The following SYBU variants were observed in gnomAD, a reference collection of about 807,000 sequenced individuals.
SYBU encodes GOLSYN A protein.
A neutral mutation model predicts 35.9 loss-of-function variants in SYBU; 21 were observed. The ratio of observed to expected loss-of-function variants is 0.58; its 90% CI spans 0.41 to 0.84. SYBU has a LOEUF of 0.84. Ranked by LOEUF, SYBU falls within the 40% of genes least tolerant of loss-of-function variation. SYBU has a pLI of 0.00. For missense variants in SYBU, 768 were observed against 848.2 expected, an observed-to-expected ratio of 0.91 and a Z score of 1.17; for synonymous variants, 319 against 324.3, an observed-to-expected ratio of 0.98 and a Z score of 0.18.
chr8:109,633,475 G>T (rs13267529), intron 2 of SYBU, among the ~76,000 whole-genome samples: 1,775 of 152,302 alleles, frequency 0.012, 18 homozygotes, highest in Non-Finnish European at 0.02. Flanking sequence ...AAAAAGAGGG[G>T]ACAGTCAACC....
intron 3 of SYBU, among the ~76,000 whole-genome samples, chr8:109,595,445 G>A (rs1824761948): frequency 6.6e-6 from 1 of 152,314 alleles, no homozygotes; most frequent in Non-Finnish European, 1.5e-5. Flanking sequence ...ATAACACATG[G>A]TGAGAGCTGT....
chr8:109,655,263 G>T (rs1173314349), intron 1 of SYBU, among the ~76,000 whole-genome samples: 2 of 152,200 alleles, frequency 1.3e-5, no homozygotes, highest in Non-Finnish European at 2.9e-5. Flanking sequence ...AATTTGATTT[G>T]CCAGAGTCAT....
chr8:109,651,770 C>T (rs1444794565), intron 1 of SYBU, among the ~76,000 whole-genome samples: 1 of 152,152 alleles, frequency 6.6e-6, no homozygotes, highest in South Asian at 2.1e-4. Flanking sequence ...ATGGCTCCAA[C>T]CACCATTGCT....
Position 109,577,984 on chromosome 8 carries a change from A to AT in SYBU, c.767dup (p.Asn256LysfsTer34). On this transcript the variant is annotated frameshift_variant, in exon 6 of 7. Coordinates refer to ENST00000276646, the MANE Select transcript of SYBU (RefSeq NM_001099754.2). LOFTEE classifies it high-confidence loss of function. Reference sequence around the variant, plus strand: ...CTGGGTTTGGGGGTCTGACACCATGATTTTCACCGCAAGACATGTACCTTC... The same window carrying AT: ...CTGGGTTTGGGGGTCTGACACCATGATTTTTCACCGCAAGACATGTACCTTC... 1 of 1,613,660 alleles carries AT rather than the reference A, an allele frequency of 6.2e-7. No individual in the cohort carries two copies. Among genetic ancestry groups the AT allele is most frequent in the South Asian group, 1.1e-5 (1 of 90,948 alleles).
upstream of SYBU, among the ~76,000 whole-genome samples, chr8:109,649,294 G>A (rs1816015470): frequency 6.6e-6 from 1 of 151,994 alleles, no homozygotes; most frequent in East Asian, 1.9e-4. Context: ...TAGCCACCGT[G>A]CCCAGCCCAA....
chr8:109,623,130 CAT>C (rs1297953536), intron 2 of SYBU, among the ~76,000 whole-genome samples: 1 of 152,112 alleles, frequency 6.6e-6, no homozygotes, highest in Non-Finnish European at 1.5e-5. Flanking sequence ...ACCTAAAAAA[CAT>C]GGGATCACTT....
chr8:109,578,656 C>T (rs1177104182), intron 5 of SYBU, among the ~76,000 whole-genome samples: 1 of 152,114 alleles, frequency 6.6e-6, no homozygotes, highest in Non-Finnish European at 1.5e-5. Context: ...GGAATGTTCT[C>T]ATACAAAATA....
chr8:109,616,353 T>G (rs1032792245), intron 3 of SYBU, among the ~76,000 whole-genome samples: 1 of 151,888 alleles, frequency 6.6e-6, no homozygotes, highest in Non-Finnish European at 1.5e-5. Context: ...CCATAATACT[T>G]CTCATCAAGA....
intron 1 of SYBU, among the ~76,000 whole-genome samples, chr8:109,668,567 G>C (rs1010321414): frequency 6.6e-6 from 1 of 152,098 alleles, no homozygotes; most frequent in Non-Finnish European, 1.5e-5. Context: ...TGGAGAGTAG[G>C]GGGTAAGGAA....
chr8:109,613,452 A>T (rs1050726233), intron 3 of SYBU, among the ~76,000 whole-genome samples: 3 of 152,200 alleles, frequency 2.0e-5, no homozygotes, highest in African/African-American at 7.2e-5. Context: ...GTAGCTAGAG[A>T]TCACACAGCT....
intron 3 of SYBU, among the ~76,000 whole-genome samples, chr8:109,595,379 A>G (rs1197071082): frequency 6.6e-6 from 1 of 152,248 alleles, no homozygotes; most frequent in East Asian, 1.9e-4. Flanking sequence ...CCTGCAGCAC[A>G]CTAAACAACA....
intron 1 of SYBU, among the ~76,000 whole-genome samples, chr8:109,660,554 T>C (rs1341519919): frequency 6.6e-6 from 1 of 152,172 alleles, no homozygotes. Context: ...TATCCAAACA[T>C]AGGGAAACCT....
chr8:109,633,024 T>TA (rs1374563344), intron 2 of SYBU, among the ~76,000 whole-genome samples: 1 of 152,230 alleles, frequency 6.6e-6, no homozygotes, highest in Non-Finnish European at 1.5e-5. Context: ...CACAGATCAA[T>TA]ATAGCATGAT....
chr8:109,610,215 C>G (rs1243309741), intron 3 of SYBU, among the ~76,000 whole-genome samples: 5 of 152,176 alleles, frequency 3.3e-5, no homozygotes, highest in Non-Finnish European at 7.3e-5. Context: ...TTGTCACCAT[C>G]TGAACTTATC....
At chr8:109,603,266 A>T in intron 3 of SYBU, 1 of 257,330 alleles carries the variant, frequency 3.9e-6, no homozygotes, top group Non-Finnish European at 6.1e-6. Context: ...TCTGAACAAA[A>T]TGTTTTTGAA....
At chr8:109,687,539 C>T (rs543710286) in intron 1 of SYBU, among the ~76,000 whole-genome samples, 1 of 152,078 alleles carries the variant, frequency 6.6e-6, no homozygotes, top group Admixed American at 6.6e-5. Context: ...GAAGGGAAAG[C>T]CTGTAAAACA....
chr8:109,645,630 T>TTG (rs1317670280), upstream of SYBU: 11 of 277,974 alleles, frequency 4.0e-5, no homozygotes, highest in African/African-American at 2.8e-4. Context: ...TGTTTCGTTT[T>TTG]TTGTTTTTTT....
intron 3 of SYBU, among the ~76,000 whole-genome samples, chr8:109,595,033 T>C (rs1352587074): frequency 2.0e-5 from 3 of 152,176 alleles, no homozygotes; most frequent in African/African-American, 7.2e-5. Flanking sequence ...TAAGATAATA[T>C]ATGTAAAACA....
intron 3 of SYBU, among the ~76,000 whole-genome samples, chr8:109,610,468 G>C (rs1412364198): frequency 6.6e-6 from 1 of 152,200 alleles, no homozygotes; most frequent in Non-Finnish European, 1.5e-5. Flanking sequence ...GACTCCTTCA[G>C]AGCGTCACCT....
Sources: allele counts gnomAD v4.1 joint callset (sites outside exome capture counted in the v4.1 genomes callset), GRCh38; gene constraint gnomAD v4.1.1; transcripts MANE v1.5; gene names NCBI Gene and HGNC (gene_info 2026-07-23, HGNC 2026-07-21).